The following IWS1 variants were observed in gnomAD, a reference collection of about 807,000 sequenced individuals.
IWS1 encodes interacts with SUPT6H, CTD assembly factor 1.
In IWS1, 27 loss-of-function variants were observed where a neutral mutation model predicts 86.7. That is an observed-to-expected ratio of 0.31 (90% CI 0.23 to 0.43). The LOEUF is 0.43. Ranked by LOEUF, IWS1 falls within the 20% of genes least tolerant of loss-of-function variation. IWS1 has a pLI of 1.00. For missense variants in IWS1, 827 were observed against 1,000.8 expected (o/e 0.83, Z 2.34); for synonymous variants, 313 against 335.1 (o/e 0.93, Z 0.72).
In IWS1 at chr2:127,486,802, A is replaced by C. The variant is rs952014948; in HGVS notation, c.2217-138T>G. On this transcript the variant is annotated intron_variant, in intron 12 of 13. Transcript: ENST00000295321. ...ACTCCTCTACTCCCCACCAAAGGTC[A>C]CCCAATCCACCCTCCTGCCGCCTCC... The C allele has an allele frequency of 4.6e-6, 3 of 652,666 alleles. No individual in the cohort carries two copies. In the African/African-American group the frequency reaches 5.4e-5, roughly 12 times the overall value. The allele number at this position is 652,666 out of a possible 1,614,324, so 40.4% of individuals were successfully genotyped here. A position where few individuals can be genotyped will look rare whatever the true frequency, so the allele number is the denominator to read the frequency against.
chr2:127,526,492 C>T (rs1014829435), upstream of IWS1: 13 of 1,512,824 alleles, frequency 8.6e-6, no homozygotes, highest in African/African-American at 1.7e-4. Flanking sequence ...TGGCGTCTGC[C>T]CACGACCCTC....
Position 127,503,426 on chromosome 2 carries a change from T to A in IWS1, c.1370A>T (p.Asp457Val). The change falls in exon 4 of 14, where the codon GAT (aspartate) becomes GTT (valine). Residue 457 changes from aspartate (D) to valine (V), a missense_variant. Physicochemically the swap from Asp to Val is radical, Grantham distance 152 (BLOSUM62 -3). Transcript: ENST00000295321. ...ELSDKKNEEK[D>V]LFGSDSESGN... ...TGACTCACTGTCACTCCCAAACAGA[T>A]CCTTCTCTTCATTTTTCTTATCAGA... 22 of 1,613,362 alleles carry A rather than the reference T, an allele frequency of 1.4e-5. No individual in the cohort carries two copies. Among genetic ancestry groups the A allele is most frequent in the Non-Finnish European group, 1.8e-5 (21 of 1,179,704 alleles).
In IWS1 at chr2:127,489,668, C is replaced by T. The variant is rs1006859940; in HGVS notation, c.2159+164G>A. 1.1e-5 allele frequency: 7 copies of T among 618,996 alleles called. No individual in the cohort carries two copies. Among genetic ancestry groups the T allele is most frequent in the South Asian group, 1.9e-5 (1 of 51,592 alleles). 38.3% of individuals were successfully genotyped at this position (618,996 alleles called of 1,614,324 possible). On this transcript the variant is annotated intron_variant, in intron 11 of 13. Coordinates refer to ENST00000295321, the MANE Select transcript of IWS1 (RefSeq NM_017969.3). The surrounding 1 kb of genome is among the most constrained non-coding windows in gnomAD (Gnocchi z 4.8). ...TTAGGAGGACAGGACCCTCACTATA[C>T]ACTATCACATTTAAACTAAAAGGAT...
chr2:127,491,888 G>T, intron 10 of IWS1, 83 bp downstream of exon 10: 2 of 830,608 alleles, frequency 2.4e-6, no homozygotes, highest in Non-Finnish European at 4.1e-6. Context: ...ACAAATACTG[G>T]TAAAAATACA....
At chr2:127,496,295 C>G in intron 6 of IWS1, 147 bp from the exon 7 acceptor site, 1 of 866,480 alleles carries the variant, frequency 1.2e-6, no homozygotes, top group East Asian at 2.7e-5. Flanking sequence ...TCATGCGCCG[C>G]ATAACGATGT....
At chr2:127,517,072 C>T (rs1691815018) in intron 2 of IWS1, among the ~76,000 whole-genome samples, 1 of 152,060 alleles carries the variant, frequency 6.6e-6, no homozygotes, top group African/African-American at 2.4e-5. Flanking sequence ...AACATGTATA[C>T]ACGGAAAACT....
chr2:127,492,043 G>A lies in IWS1; in HGVS notation c.1975C>T (p.Arg659Ter). ...TGTTTATAGAGATACATCACTGCTCGTCCAATCCCACTATGCTTCAGGGTC... is the reference window on the plus strand; with the variant it reads ...TGTTTATAGAGATACATCACTGCTCATCCAATCCCACTATGCTTCAGGGTC... ...QETLKHSGIG[R>*]AVMYLYKHPK... Residue 659 changes from arginine (R) to a stop codon, truncating the protein, a stop_gained, in exon 10 of 14, where the codon CGA (arginine) becomes TGA (stop). Transcript: ENST00000295321. LOFTEE classifies it high-confidence loss of function. The A allele has an allele frequency of 6.2e-7, 1 of 1,613,992 alleles. No individual in the cohort carries two copies. Among genetic ancestry groups the A allele is most frequent in the Non-Finnish European group, 8.5e-7 (1 of 1,179,922 alleles).
Position 127,496,022 on chromosome 2 carries a change from G to C in IWS1, c.1692C>G (p.Ile564Met). Residue 564 changes from isoleucine to methionine, a missense_variant, in exon 7 of 14, where the codon ATC (isoleucine) becomes ATG (methionine). By Grantham distance (10) the Ile-to-Met change is conservative. Transcript: ENST00000295321. ...CCTCAGCAGCTTCATTCATCTTGAC[G>C]ATCATGGCACTCACGACGTCGTCTG... ...SDADDVVSAM[I>M]VKMNEAAEED... is the part of the protein sequence containing the mutation. The C allele has an allele frequency of 6.2e-7, 1 of 1,613,090 alleles. No homozygotes were observed. Among genetic ancestry groups the C allele is most frequent in the Non-Finnish European group, 8.5e-7 (1 of 1,179,644 alleles).
chr2:127,526,578 C>T, upstream of IWS1: 1 of 1,390,906 alleles, frequency 7.2e-7, no homozygotes, highest in Non-Finnish European at 9.6e-7. Flanking sequence ...ACGCCAGGCA[C>T]GGCCGGAAAG....
intron 13 of IWS1, 77 bp downstream of exon 13, chr2:127,486,476 G>C (rs1689937833): frequency 9.6e-7 from 1 of 1,038,522 alleles, no homozygotes; most frequent in South Asian, 1.3e-5. Context: ...AGCTACAAGG[G>C]TTATTAACAC....
At chr2:127,492,741 G>C (rs1690297676) in intron 9 of IWS1, 1 of 152,544 alleles carries the variant, frequency 6.6e-6, no homozygotes, top group Non-Finnish European at 1.5e-5. Flanking sequence ...ATGTGACCTT[G>C]ACGAGTCGTT....
Position 127,505,813 on chromosome 2 carries a change from A to T in IWS1, c.151-61T>A, listed in dbSNP as rs1691118348. 3.5e-6 allele frequency: 4 copies of T among 1,132,124 alleles called. No homozygotes were observed. The highest frequency in any genetic ancestry group is 3.7e-6 in the Non-Finnish European group (3 of 808,996). The allele number at this position is 1,132,124 out of a possible 1,614,324, so 70.1% of individuals were successfully genotyped here. On this transcript the variant is annotated intron_variant, in intron 2 of 13. Transcript: ENST00000295321. The surrounding 1 kb of genome is among the most constrained non-coding windows in gnomAD (Gnocchi z 5.0). The stretch of plus-strand genomic sequence containing the variant: ...AAAAAAAAAAAAACCATTAATAATA[A>T]AACATTAAATTTTTTCTGTGATTTT...
intron 2 of IWS1, among the ~76,000 whole-genome samples, chr2:127,516,331 G>GACTCCGC (rs1421540495): frequency 6.6e-6 from 1 of 151,916 alleles, no homozygotes; most frequent in East Asian, 1.9e-4. Context: ...GCGACAGTGA[G>GACTCCGC]ACTCCGCACC....
Position 127,505,179 on chromosome 2 carries a change from G to A in IWS1, c.724C>T (p.Leu242Phe). Residue 242 changes from leucine to phenylalanine, a missense_variant, in exon 3 of 14, where the codon CTT becomes TTT. Leu to Phe is a conservative substitution (Grantham distance 22). This residue lies in a region of IWS1 where 548 missense variants were observed against 560.2 expected (regional missense o/e 0.98). Transcript: ENST00000295321. This position sits in a 1 kb window ranked among gnomAD's most constrained non-coding sequence, Gnocchi z 5.0. ...GAGTCACTGATACGAGGTTTGGGAAGCTCCTCATTTTCAGAGTCACTGGCC... is the reference window on the plus strand; with the variant it reads ...GAGTCACTGATACGAGGTTTGGGAAACTCCTCATTTTCAGAGTCACTGGCC... The part of the protein sequence containing the change: ...HQASDSENEE[L>F]PKPRISDSES... 1 of 1,613,784 alleles carries A rather than the reference G, an allele frequency of 6.2e-7. No individual in the cohort carries two copies. The highest frequency in any genetic ancestry group is 8.5e-7 in the Non-Finnish European group (1 of 1,179,896).
chr2:127,487,996 T>G (rs188681532), intron 12 of IWS1: 1 of 152,520 alleles, frequency 6.6e-6, no homozygotes, highest in Admixed American at 6.5e-5. Context: ...TCATCCCCTA[T>G]TCTCTTCTTG....
At chr2:127,494,061 T>C (rs1268197500) in intron 8 of IWS1, among the ~76,000 whole-genome samples, 1 of 151,710 alleles carries the variant, frequency 6.6e-6, no homozygotes, top group East Asian at 1.9e-4. Flanking sequence ...AAAAGTAGGC[T>C]GTGGCTTAGT....
In IWS1 at chr2:127,489,727, G is replaced by A. The variant is rs1690122989; in HGVS notation, c.2159+105C>T. 1 of 744,608 alleles carries A rather than the reference G, an allele frequency of 1.3e-6. No homozygotes were observed. The highest frequency in any genetic ancestry group is 2.4e-6 in the Non-Finnish European group (1 of 410,706). 46.1% of individuals were successfully genotyped at this position (744,608 alleles called of 1,614,324 possible). A position where few individuals can be genotyped will look rare whatever the true frequency, so the allele number is the denominator to read the frequency against. The stretch of plus-strand genomic sequence containing the variant: ...TTATGTACACATATCAAGCTGAGAG[G>A]AAAGGAAATCCTATCATCTTGCAGG... On this transcript the variant is annotated intron_variant, in intron 11 of 13. Transcript: ENST00000295321. This position sits in a 1 kb window ranked among gnomAD's most constrained non-coding sequence, Gnocchi z 4.8.
upstream of IWS1, chr2:127,526,546 A>T (rs1469160989): frequency 1.4e-6 from 2 of 1,435,624 alleles, no homozygotes; most frequent in Admixed American, 2.1e-5. Context: ...CAACCGGCCA[A>T]TGAGAAGACG....
chr2:127,526,322 C>A lies in IWS1; in HGVS notation c.-114G>T, dbSNP rs1692413115. 6.5e-7 allele frequency: 1 copy of A among 1,539,852 alleles called. No individual in the cohort carries two copies. Among genetic ancestry groups the A allele is most frequent in the Admixed American group, 2.0e-5 (1 of 50,988 alleles). ...AAGTGTTCAGAGACTGCCGCCCGAC[C>A]GGAGAACTTAACGGGTGCGGAGGGT... is the stretch of plus-strand genomic sequence containing the variant. On this transcript the variant is annotated 5_prime_UTR_variant, in exon 1 of 14. Coordinates refer to ENST00000295321, the MANE Select transcript of IWS1 (RefSeq NM_017969.3).
Sources: gnomAD v4.1 joint callset for allele counts (sites outside exome capture counted in the v4.1 genomes callset) on GRCh38, gnomAD v4.1.1 for gene constraint, gnomAD v4.1.1 regional missense constraint, Gnocchi (gnomAD v3.1) non-coding constraint, MANE v1.5 for transcripts, NCBI Gene and HGNC (gene_info 2026-07-23, HGNC 2026-07-21) for gene names.